Variants in CD320 observed in about 807,000 individuals in gnomAD.
The protein encoded by CD320 is CD320 antigen.
CD320 carries 16 observed loss-of-function variants against 22.1 expected under a neutral mutation model. That is an observed-to-expected ratio of 0.73 (90% CI 0.49 to 1.10). The LOEUF is 1.10. CD320 is among the 50% of genes least tolerant of loss of function. The probability of loss-of-function intolerance (pLI) is 0.00; values close to 1 mark genes in which losing one functional copy is unlikely to be tolerated. For synonymous variants in CD320, 188 were observed against 167.8 expected (o/e 1.12, Z -0.93); for missense variants, 388 against 376.9 (o/e 1.03, Z -0.24).
intron 2 of CD320, 45 bp from the exon 3 acceptor site, chr19:8,304,133 G>C: frequency 3.0e-6 from 3 of 1,008,236 alleles, no homozygotes; most frequent in Non-Finnish European, 4.6e-6. Context: ...ACCCAAGAAG[G>C]CCCAGGTACT....
chr19:8,308,180 C>T lies in CD320; in HGVS notation c.111G>A (p.Pro37=), dbSNP rs1161164051. The change falls in exon 1 of 5, where the codon CCG becomes CCA. Residue 37 remains proline (P), a synonymous_variant. Transcript: ENST00000301458. Reference sequence around the variant, plus strand: ...CCTGGGCAGAGGTCGGGGTGGAAAGCGGGCTCGCGGCGGCCTCCAGGCCTA... The same window carrying T: ...CCTGGGCAGAGGTCGGGGTGGAAAGTGGGCTCGCGGCGGCCTCCAGGCCTA... The part of the protein sequence containing the change: ...LGLGLEAAAS[P]LSTPTSAQAA... The T allele has an allele frequency of 3.2e-6, 5 of 1,555,192 alleles. No individual in the cohort carries two copies. The highest frequency in any genetic ancestry group is 4.3e-6 in the Non-Finnish European group (5 of 1,158,458).
Position 8,302,567 on chromosome 19 carries a change from G to A in CD320, c.745C>T (p.Leu249Phe), listed in dbSNP as rs115054912. ...TCCTGGGCTCGGAGCCAGGACAAAAGGAGGAGGGTGGCGGTGACCAGGCTT... is the reference window on the plus strand; with the variant it reads ...TCCTGGGCTCGGAGCCAGGACAAAAAGAGGAGGGTGGCGGTGACCAGGCTT... The part of the protein sequence containing the change: ...SASLVTATLL[L>F]LSWLRAQERL... Residue 249 changes from leucine (L) to phenylalanine (F), a missense_variant, in exon 5 of 5, where the codon CTT (leucine) becomes TTT (phenylalanine). By Grantham distance (22) the Leu-to-Phe change is conservative. Coordinates refer to ENST00000301458, the MANE Select transcript of CD320 (RefSeq NM_016579.4). 1.9e-4 allele frequency: 312 copies of A among 1,613,918 alleles called. No homozygotes were observed. The African/African-American group carries it at 3.9e-3, about 20-fold the overall frequency.
At chr19:8,307,223 C>T (rs1970101876) in intron 1 of CD320, among the ~76,000 whole-genome samples, 1 of 149,342 alleles carries the variant, frequency 6.7e-6, no homozygotes, top group Admixed American at 6.7e-5. Context: ...ACCCGGGAGG[C>T]GGAGGGTGCA....
In CD320 at chr19:8,304,092, G is replaced by C; in HGVS notation, c.269-4C>G. The C allele has an allele frequency of 6.8e-7, 1 of 1,481,044 alleles. No individual in the cohort carries two copies. The highest frequency in any genetic ancestry group is 9.2e-7 in the Non-Finnish European group (1 of 1,082,378). 91.7% of individuals were successfully genotyped at this position (1,481,044 alleles called of 1,614,324 possible). A position where few individuals can be genotyped will look rare whatever the true frequency, so the allele number is the denominator to read the frequency against. On this transcript the variant is annotated splice_polypyrimidine_tract_variant and splice_region_variant and intron_variant, in intron 2 of 4. Transcript: ENST00000301458. ...TTCTGGGTACATGGCTCAATCCCTG[G>C]GGCACAGGGTTGGTCAGGTCCCAAA...
At chr19:8,304,941 C>A in intron 2 of CD320, 90 bp downstream of exon 2, 1 of 1,505,614 alleles carries the variant, frequency 6.6e-7, no homozygotes, top group South Asian at 1.1e-5. Flanking sequence ...CTGCCTTTCC[C>A]ACAAGCTCCA....
intron 1 of CD320, among the ~76,000 whole-genome samples, chr19:8,307,576 G>A (rs1568559165): frequency 6.6e-6 from 1 of 152,162 alleles, no homozygotes; most frequent in Non-Finnish European, 1.5e-5. Context: ...TACCTCTTAG[G>A]CCAGGGCGAA....
chr19:8,303,813 C>G (rs1437685238), intron 3 of CD320, 42 bp downstream of exon 3: 2 of 1,354,814 alleles, frequency 1.5e-6, no homozygotes, highest in Non-Finnish European at 2.1e-6. Context: ...AGTGGGTGTC[C>G]CCATCTACCC....
intron 2 of CD320, 45 bp from the exon 3 acceptor site, chr19:8,304,133 G>A (rs964435649): frequency 1.9e-5 from 19 of 1,008,116 alleles, no homozygotes; most frequent in Non-Finnish European, 2.6e-5. Context: ...ACCCAAGAAG[G>A]CCCAGGTACT....
Position 8,302,496 on chromosome 19 carries a change from C to A in CD320, c.816G>T (p.Leu272=). 3 of 1,614,158 alleles carry A rather than the reference C, an allele frequency of 1.9e-6. No individual in the cohort carries two copies. The highest frequency in any genetic ancestry group is 2.5e-6 in the Non-Finnish European group (3 of 1,180,026). The change falls in exon 5 of 5, where the codon CTG becomes CTT. Residue 272 remains leucine (L), a synonymous_variant. Transcript: ENST00000301458. ...GCGAGGTCTTCTGTTCTGACAGCAG[C>A]AGGGACTCCTTCATGGCCACCAGTA... The part of the protein sequence containing the change: ...LGLLVAMKES[L]LLSEQKTSLP
Position 8,305,013 on chromosome 19 carries a change from A to T in CD320, c.268+18T>A, listed in dbSNP as rs1568557873. ...GCCCCGCCCCCTGTAAGCCCCGCCA[A>T]GGGGCGTGGCCACTCACTGCACTCC... On this transcript the variant is annotated intron_variant, in intron 2 of 4. Transcript: ENST00000301458. 6.2e-7 allele frequency: 1 copy of T among 1,602,588 alleles called. No individual in the cohort carries two copies. The highest frequency in any genetic ancestry group is 8.5e-7 in the Non-Finnish European group (1 of 1,179,364).
Position 8,308,356 on chromosome 19 carries a change from C to T in CD320, c.-66G>A. ...GCTCTCTTATCCCTGCGCACGCGCACGCGCGGGGTTGGGGCGGGGCCCAAG... is the reference window on the plus strand; with the variant it reads ...GCTCTCTTATCCCTGCGCACGCGCATGCGCGGGGTTGGGGCGGGGCCCAAG... On this transcript the variant is annotated 5_prime_UTR_variant, in exon 1 of 5. It adds an upstream start codon to the 5' untranslated region. Transcript: ENST00000301458. 6.5e-7 allele frequency: 1 copy of T among 1,543,980 alleles called. No homozygotes were observed. Among genetic ancestry groups the T allele is most frequent in the East Asian group, 2.4e-5 (1 of 41,458 alleles).
In CD320 at chr19:8,308,317, G is replaced by C. The variant is rs980587969; in HGVS notation, c.-27C>G. 5 of 1,579,420 alleles carry C rather than the reference G, an allele frequency of 3.2e-6. No individual in the cohort carries two copies. The African/African-American group carries it at 6.7e-5, about 21-fold the overall frequency. On this transcript the variant is annotated 5_prime_UTR_variant, in exon 1 of 5. Transcript: ENST00000301458. ...CTGTCCCCACAGCGGCGCCGGCCAC[G>C]CGCTGTCCAGACCGCTCTCTTATCC... is the stretch of plus-strand genomic sequence containing the variant.
chr19:8,302,248 G>C lies in CD320; in HGVS notation c.*215C>G, dbSNP rs773898400. 125 of 708,802 alleles carry C rather than the reference G, an allele frequency of 1.8e-4. 1 individual carries two copies. The Middle Eastern group carries it at 2.1e-3, about 12-fold the overall frequency. 43.9% of individuals were successfully genotyped at this position (708,802 alleles called of 1,614,324 possible). A position where few individuals can be genotyped will look rare whatever the true frequency, so the allele number is the denominator to read the frequency against. ...AGCCCCTCAGTTCTGGCTGTGGCAG[G>C]TTCCCCATCCTAGCTCCCCGGATCT... is the stretch of plus-strand genomic sequence containing the variant. On this transcript the variant is annotated 3_prime_UTR_variant, in exon 5 of 5. Coordinates refer to ENST00000301458, the MANE Select transcript of CD320 (RefSeq NM_016579.4).
intron 1 of CD320, chr19:8,305,551 CA>C (rs201764760): frequency 0.01 from 2,537 of 248,068 alleles, 67 homozygotes; most frequent in African/African-American, 0.054. Context: ...GTTAAAAATA[CA>C]AAAATTAGCC....
chr19:8,304,804 C>T, intron 2 of CD320: 2 of 529,320 alleles, frequency 3.8e-6, no homozygotes, highest in Non-Finnish European at 6.9e-6. Context: ...ATCAAGTGAT[C>T]GATCCTCCCA....
chr19:8,302,818 T>G lies in CD320; in HGVS notation c.665A>C (p.Gln222Pro), dbSNP rs755718429. Reference protein sequence around the residue: ...GNATSSSAGDQSGSPTAYGVI... With the variant: ...GNATSSSAGDPSGSPTAYGVI... ...CCCATAGGCAGTTGGGCTTCCAGACTGGTCTCCGGCAGAGGAGGATGTGGC... is the reference window on the plus strand; with the variant it reads ...CCCATAGGCAGTTGGGCTTCCAGACGGGTCTCCGGCAGAGGAGGATGTGGC... Residue 222 changes from glutamine to proline, a missense_variant, in exon 4 of 5, where the codon CAG (glutamine) becomes CCG (proline). Gln to Pro is a moderately conservative substitution (Grantham distance 76, BLOSUM62 -1). Transcript: ENST00000301458. The G allele has an allele frequency of 1.2e-6, 2 of 1,614,152 alleles. No individual in the cohort carries two copies. The highest frequency in any genetic ancestry group is 4.5e-5 in the East Asian group (2 of 44,872).
chr19:8,307,225 G>A (rs1243002121), intron 1 of CD320, among the ~76,000 whole-genome samples: 2 of 151,734 alleles, frequency 1.3e-5, no homozygotes, highest in East Asian at 3.9e-4. Flanking sequence ...CCGGGAGGCG[G>A]AGGGTGCAGT....
chr19:8,303,930 C>G lies in CD320; in HGVS notation c.427G>C (p.Asp143His). Residue 143 changes from aspartate to histidine, a missense_variant, in exon 3 of 5, where the codon GAT becomes CAT. Transcript: ENST00000301458. Reference sequence around the variant, plus strand: ...CGCCACGTGAGTGGAATGCAGTCATCGCTCAGCGTGCAACGGAGCTCGCCT... The same window carrying G: ...CGCCACGTGAGTGGAATGCAGTCATGGCTCAGCGTGCAACGGAGCTCGCCT... ...LAGELRCTLS[D>H]DCIPLTWRCD... 6.2e-7 allele frequency: 1 copy of G among 1,602,562 alleles called. No individual in the cohort carries two copies. Among genetic ancestry groups the G allele is most frequent in the Non-Finnish European group, 8.5e-7 (1 of 1,174,980 alleles).
Position 8,302,853 on chromosome 19 carries a change from A to T in CD320, c.630T>A (p.Ser210=), listed in dbSNP as rs1599620901. The change falls in exon 4 of 5, where the codon TCT becomes TCA. Residue 210 remains serine (S), a synonymous_variant. Coordinates refer to ENST00000301458, the MANE Select transcript of CD320 (RefSeq NM_016579.4). ...CAGAGGAGGATGTGGCATTCCCGAC[A>T]GAGGGGACACTCTCCAGGGTCACAG... The part of the protein sequence containing the change: ...GPPVTLESVP[S]VGNATSSSAG... The T allele has an allele frequency of 1.5e-5, 24 of 1,614,098 alleles. No individual in the cohort carries two copies. Among genetic ancestry groups the T allele is most frequent in the Non-Finnish European group, 2.0e-5 (24 of 1,179,998 alleles).
Sources: allele counts gnomAD v4.1 joint callset (sites outside exome capture counted in the v4.1 genomes callset), GRCh38; gene constraint gnomAD v4.1.1; transcripts MANE v1.5; gene names NCBI Gene and HGNC (gene_info 2026-07-23, HGNC 2026-07-21).